Variants in ABCC4 observed in about 807,000 individuals in gnomAD.
ABCC4 encodes the protein ATP-binding cassette sub-family C member 4.
ABCC4 carries 102 observed loss-of-function variants against 168.5 expected under a neutral mutation model. That is an observed-to-expected ratio of 0.61 (90% CI 0.52 to 0.71). The LOEUF (loss-of-function observed/expected upper bound fraction) is 0.71. Among genes scored for constraint, ABCC4 ranks in the 30% least tolerant of loss-of-function variants. ABCC4 has a pLI of 0.00. For synonymous variants in ABCC4, 617 were observed against 590.7 expected, an observed-to-expected ratio of 1.04 and a Z score of -0.65; for missense variants, 1,402 against 1,605.8, an observed-to-expected ratio of 0.87 and a Z score of 2.17.
intron 1 of ABCC4, among the ~76,000 whole-genome samples, chr13:95,274,913 C>T (rs945617084): frequency 6.6e-6 from 1 of 151,908 alleles, no homozygotes; most frequent in African/African-American, 2.4e-5. Context: ...CCTGTCTCTA[C>T]TAAAAACACA....
intron 19 of ABCC4, among the ~76,000 whole-genome samples, chr13:95,159,132 T>A (rs1206798606): frequency 2.4e-4 from 30 of 124,390 alleles, no homozygotes; most frequent in Admixed American, 1.2e-3. Flanking sequence ...TATATATATA[T>A]AACTATTGAA....
chr13:95,038,387 A>AAAG (rs1321435543), intron 29 of ABCC4, among the ~76,000 whole-genome samples: 1 of 151,450 alleles, frequency 6.6e-6, no homozygotes, highest in African/African-American at 2.4e-5. Flanking sequence ...AAAAAAAAAA[A>AAAG]AAAAAAAAGA....
chr13:95,133,286 G>C (rs996359209), intron 19 of ABCC4, among the ~76,000 whole-genome samples: 3 of 151,456 alleles, frequency 2.0e-5, no homozygotes, highest in African/African-American at 7.3e-5. Context: ...GCTAATTTTT[G>C]TATTTTCAGT....
Position 95,177,723 on chromosome 13 carries a change from T to G in ABCC4, c.1711A>C (p.Arg571=). The G allele has an allele frequency of 2.5e-6, 4 of 1,610,428 alleles. No homozygotes were observed. Among genetic ancestry groups the G allele is most frequent in the Non-Finnish European group, 3.4e-6 (4 of 1,177,114 alleles). Residue 571 remains arginine, a synonymous_variant, in exon 13 of 31, where the codon AGA becomes CGA. Transcript: ENST00000645237. Reference sequence around the variant, plus strand: ...CACACTCACAGTTCGAACAAGTGTCTGCTAACTTCCGCATCTACTGCACTG... The same window carrying G: ...CACACTCACAGTTCGAACAAGTGTCGGCTAACTTCCGCATCTACTGCACTG... ...PLSAVDAEVS[R]HLFELCICQI...
At position 95,208,014 on chromosome 13, in the gene ABCC4, G is replaced by A. The variant is rs1245212788; in HGVS notation, c.786-89C>T. The A allele has an allele frequency of 9.5e-6, 14 of 1,471,534 alleles. No individual in the cohort carries two copies. In the Admixed American group the frequency reaches 2.5e-4, roughly 26 times the overall value. The allele number at this position is 1,471,534 out of a possible 1,614,324, so 91.2% of individuals were successfully genotyped here. A position where few individuals can be genotyped will look rare whatever the true frequency, so the allele number is the denominator to read the frequency against. On this transcript the variant is annotated intron_variant, in intron 6 of 30. Coordinates refer to ENST00000645237, the MANE Select transcript of ABCC4 (RefSeq NM_005845.5). The stretch of plus-strand genomic sequence containing the variant: ...GCACAGGCAGGGACCTGCATCACAT[G>A]GTTCCCTACAGCGCTTTTGCTTCCG...
rs569502580 is a variant in ABCC4, at chr13:95,136,054, C to A, written c.2456-20053G>T. 2.6e-3 allele frequency among the ~76,000 whole-genome samples: 393 copies of A among 152,088 alleles called. 2 individuals carry two copies. Among genetic ancestry groups the A allele is most frequent in the African/African-American group, 7.6e-3 (315 of 41,510 alleles). ...ACAGTTTTTAAAAATGTTAGCAAAT[C>A]ATGATTTTTTGGATATAATTTAATA... On this transcript the variant is annotated intron_variant, in intron 19 of 30. Transcript: ENST00000645237.
At chr13:95,047,009 A>G (rs2032606662) in intron 27 of ABCC4, among the ~76,000 whole-genome samples, 1 of 152,214 alleles carries the variant, frequency 6.6e-6, no homozygotes, top group Admixed American at 6.5e-5. Context: ...AGGTACACAT[A>G]CATATTTAAG....
chr13:95,257,313 CTGAAGA>C (rs2040416126), intron 1 of ABCC4, among the ~76,000 whole-genome samples: 1 of 152,094 alleles, frequency 6.6e-6, no homozygotes, highest in Non-Finnish European at 1.5e-5. Context: ...ATTGAATAGG[CTGAAGA>C]GGAAGAGGAA....
At chr13:95,069,853 T>TC (rs1794527487) in intron 25 of ABCC4, among the ~76,000 whole-genome samples, 1 of 152,234 alleles carries the variant, frequency 6.6e-6, no homozygotes, top group African/African-American at 2.4e-5. Context: ...ATTTTGTTTT[T>TC]CCATTCCTCA....
chr13:95,163,755 G>A, intron 16 of ABCC4, 108 bp from the exon 17 acceptor site: 2 of 914,368 alleles, frequency 2.2e-6, no homozygotes, highest in Non-Finnish European at 3.5e-6. Context: ...CTCAAAGCCG[G>A]GCGTGGTGGC....
chr13:95,194,503 C>T (rs907162356), intron 9 of ABCC4, among the ~76,000 whole-genome samples: 1 of 152,198 alleles, frequency 6.6e-6, no homozygotes, highest in African/African-American at 2.4e-5. Flanking sequence ...AGCAGTTAAC[C>T]CATTCCATGC....
At chr13:95,296,594 C>T (rs2041541309) in intron 1 of ABCC4, among the ~76,000 whole-genome samples, 1 of 152,134 alleles carries the variant, frequency 6.6e-6, no homozygotes, top group African/African-American at 2.4e-5. Context: ...GATTTAACCA[C>T]TTTCTGTGGG....
intron 30 of ABCC4, among the ~76,000 whole-genome samples, chr13:95,022,300 G>A (rs773073348): frequency 1.3e-5 from 2 of 152,184 alleles, no homozygotes; most frequent in Admixed American, 6.5e-5. Flanking sequence ...TCTCTAAAAT[G>A]TAAGATGATA....
intron 30 of ABCC4, among the ~76,000 whole-genome samples, chr13:95,026,051 C>T (rs541829895): frequency 1.3e-5 from 2 of 152,112 alleles, no homozygotes; most frequent in African/African-American, 4.8e-5. Context: ...AAACTTGTAT[C>T]ATATAATGAA....
intron 20 of ABCC4, among the ~76,000 whole-genome samples, chr13:95,100,594 C>T (rs561611060): frequency 6.6e-6 from 1 of 152,288 alleles, no homozygotes; most frequent in South Asian, 2.1e-4. Flanking sequence ...TCATCAACTG[C>T]CCTGTCTATT....
chr13:95,203,323 CA>C (rs2038683589), intron 8 of ABCC4, among the ~76,000 whole-genome samples: 1 of 145,240 alleles, frequency 6.9e-6, no homozygotes, highest in African/African-American at 2.5e-5. Context: ...GCCTGGAAGC[CA>C]GTCAGGAGGC....
intron 8 of ABCC4, among the ~76,000 whole-genome samples, chr13:95,196,874 C>T (rs140224120): frequency 5.3e-4 from 80 of 152,312 alleles, no homozygotes; most frequent in African/African-American, 1.9e-3. Context: ...CCAAACCGTT[C>T]CCAAACACCA....
chr13:95,237,478 G>T (rs1266437135), intron 3 of ABCC4, among the ~76,000 whole-genome samples: 1 of 152,126 alleles, frequency 6.6e-6, no homozygotes, highest in Non-Finnish European at 1.5e-5. Flanking sequence ...CCACAAACAA[G>T]CTAAGAATAG....
chr13:95,079,183 G>T (rs1333445842), intron 21 of ABCC4, among the ~76,000 whole-genome samples: 1 of 152,194 alleles, frequency 6.6e-6, no homozygotes, highest in Admixed American at 6.5e-5. Context: ...GAGAGCGTAT[G>T]TCAAGCCTCA....
Sources: gnomAD v4.1 joint callset for allele counts (sites outside exome capture counted in the v4.1 genomes callset) on GRCh38, gnomAD v4.1.1 for gene constraint, MANE v1.5 for transcripts, NCBI Gene and HGNC (gene_info 2026-07-23, HGNC 2026-07-21) for gene names.